PDE4B: variants seen among roughly 807,000 people sequenced by gnomAD.
The protein encoded by PDE4B is phosphodiesterase 4B.
PDE4B carries 20 observed loss-of-function variants against 82.2 expected under a neutral mutation model. The ratio of observed to expected loss-of-function variants is 0.24; its 90% CI spans 0.17 to 0.35. The LOEUF is 0.35. PDE4B is among the 10% of genes least tolerant of loss of function. The probability of loss-of-function intolerance (pLI) is 1.00; values close to 1 mark genes in which losing one functional copy is unlikely to be tolerated. For synonymous variants in PDE4B, 320 were observed against 318.9 expected (o/e 1.00, Z -0.04); for missense variants, 655 against 907.2 (o/e 0.72, Z 3.57).
At chr1:66,228,548 C>T (rs762098711) in intron 3 of PDE4B, among the ~76,000 whole-genome samples, 4 of 151,554 alleles carry the variant, frequency 2.6e-5, no homozygotes, top group Middle Eastern at 3.2e-3. Flanking sequence ...GGCATGAACC[C>T]GGGAGGCGGA....
chr1:65,979,477 G>A (rs891161213), intron 3 of PDE4B, among the ~76,000 whole-genome samples: 6 of 152,168 alleles, frequency 3.9e-5, no homozygotes, highest in African/African-American at 1.4e-4. Flanking sequence ...ATAGAGAATT[G>A]CAATATTTTT....
At chr1:66,262,813 C>T (rs1247065486) in intron 6 of PDE4B, among the ~76,000 whole-genome samples, 1 of 152,182 alleles carries the variant, frequency 6.6e-6, no homozygotes, top group East Asian at 1.9e-4. Context: ...GAATTGACAA[C>T]TCTAAATAAA....
intron 1 of PDE4B, among the ~76,000 whole-genome samples, chr1:65,881,269 T>G (rs1480716670): frequency 6.6e-6 from 1 of 152,206 alleles, no homozygotes; most frequent in Admixed American, 6.5e-5. Flanking sequence ...TTAGTCATTT[T>G]CCCTCACCAA....
chr1:66,040,508 T>C (rs562346103), intron 3 of PDE4B, among the ~76,000 whole-genome samples: 1 of 152,118 alleles, frequency 6.6e-6, no homozygotes, highest in African/African-American at 2.4e-5. Context: ...TTTTATAAGC[T>C]AGGCACCTAG....
At chr1:66,115,541 A>G (rs1645577860) in intron 3 of PDE4B, among the ~76,000 whole-genome samples, 2 of 152,264 alleles carry the variant, frequency 1.3e-5, no homozygotes, top group Admixed American at 1.3e-4. Flanking sequence ...CATAAAAGTT[A>G]ATCAGACCCT....
At chr1:65,970,426 G>A (rs1310889355) in intron 3 of PDE4B, among the ~76,000 whole-genome samples, 1 of 152,016 alleles carries the variant, frequency 6.6e-6, no homozygotes, top group East Asian at 1.9e-4. Context: ...AGGTATTAGT[G>A]TAATATATTG....
chr1:66,140,381 C>A (rs929966371), intron 3 of PDE4B, among the ~76,000 whole-genome samples: 1 of 152,140 alleles, frequency 6.6e-6, no homozygotes, highest in African/African-American at 2.4e-5. Context: ...GCAACTTTTA[C>A]AACTACAAAT....
At chr1:66,229,262 G>A (rs1651750784) in intron 3 of PDE4B, among the ~76,000 whole-genome samples, 1 of 151,956 alleles carries the variant, frequency 6.6e-6, no homozygotes, top group Non-Finnish European at 1.5e-5. Context: ...GCCCGCCTCG[G>A]CCTCCCAAAG....
intron 3 of PDE4B, among the ~76,000 whole-genome samples, chr1:66,189,519 G>A (rs966383251): frequency 6.6e-6 from 1 of 152,042 alleles, no homozygotes; most frequent in East Asian, 1.9e-4. Flanking sequence ...TTTCTTGGAG[G>A]CTTTGTTTGT....
At chr1:66,185,192 A>G (rs2101430475) in intron 3 of PDE4B, among the ~76,000 whole-genome samples, 1 of 152,322 alleles carries the variant, frequency 6.6e-6, no homozygotes, top group East Asian at 1.9e-4. Flanking sequence ...ATGGCTGCGT[A>G]GTATTACATG....
chr1:66,053,014 C>T (rs2503222), intron 3 of PDE4B, among the ~76,000 whole-genome samples: 18,182 of 152,050 alleles, frequency 0.12, 1,267 homozygotes, highest in South Asian at 0.22. Context: ...GTATTATTTC[C>T]GAGCCCATTT....
chr1:66,022,412 G>A (rs1381741805), intron 3 of PDE4B, among the ~76,000 whole-genome samples: 1 of 152,114 alleles, frequency 6.6e-6, no homozygotes, highest in Non-Finnish European at 1.5e-5. Flanking sequence ...CTTCCAGTTT[G>A]TGCCCATTCA....
chr1:65,935,980 CGTT>C (rs1482219341), intron 3 of PDE4B, among the ~76,000 whole-genome samples: 3 of 151,976 alleles, frequency 2.0e-5, no homozygotes, highest in African/African-American at 4.8e-5. Flanking sequence ...AACAAAAACA[CGTT>C]GTATAGCTGC....
chr1:66,134,651 T>C (rs1646018743), intron 3 of PDE4B, among the ~76,000 whole-genome samples: 2 of 152,270 alleles, frequency 1.3e-5, no homozygotes, highest in Admixed American at 1.3e-4. Context: ...GGCTATTTCC[T>C]TATTTTAAAG....
chr1:65,923,911 T>C (rs995714578), intron 3 of PDE4B, among the ~76,000 whole-genome samples: 1 of 151,962 alleles, frequency 6.6e-6, no homozygotes, highest in African/African-American at 2.4e-5. Context: ...CCTCTTCAAA[T>C]ATTTTCTCTG....
chr1:66,307,776 G>T (rs1050686961), intron 7 of PDE4B, among the ~76,000 whole-genome samples: 1 of 151,968 alleles, frequency 6.6e-6, no homozygotes. Context: ...GGTGAGTACC[G>T]GTTTTTTTGT....
chr1:66,249,025 T>C (rs1653547206), intron 4 of PDE4B, among the ~76,000 whole-genome samples: 1 of 152,206 alleles, frequency 6.6e-6, no homozygotes, highest in Non-Finnish European at 1.5e-5. Context: ...TAAAAACTTT[T>C]GGAATCTTTC....
chr1:66,129,783 T>G (rs191898065), intron 3 of PDE4B, among the ~76,000 whole-genome samples: 131 of 152,122 alleles, frequency 8.6e-4, no homozygotes, highest in Middle Eastern at 6.8e-3. Flanking sequence ...AAAAAGTGTG[T>G]GTGCTAGAGG....
chr1:65,964,789 A>T (rs570945113), intron 3 of PDE4B, among the ~76,000 whole-genome samples: 1 of 152,286 alleles, frequency 6.6e-6, no homozygotes, highest in South Asian at 2.1e-4. Context: ...TAAGTGGTGA[A>T]TTCAGCTACA....
Sources: allele counts gnomAD v4.1 joint callset (sites outside exome capture counted in the v4.1 genomes callset), GRCh38; gene constraint gnomAD v4.1.1; transcripts MANE v1.5; gene names NCBI Gene and HGNC (gene_info 2026-07-23, HGNC 2026-07-21).